DZIP3: variants seen among roughly 807,000 people sequenced by gnomAD.
The protein encoded by DZIP3 is E3 ubiquitin-protein ligase DZIP3.
DZIP3 carries 118 observed loss-of-function variants against 162.0 expected under a neutral mutation model. The ratio of observed to expected loss-of-function variants is 0.73; its 90% CI spans 0.63 to 0.85. The LOEUF is 0.85. Ranked by LOEUF, DZIP3 falls within the 40% of genes least tolerant of loss-of-function variation. The probability of loss-of-function intolerance (pLI) is 0.00; values close to 1 mark genes in which losing one functional copy is unlikely to be tolerated. For missense variants in DZIP3, 1,331 were observed against 1,407.0 expected, an observed-to-expected ratio of 0.95 and a Z score of 0.86; for synonymous variants, 438 against 458.6, an observed-to-expected ratio of 0.96 and a Z score of 0.57.
intron 28 of DZIP3, among the ~76,000 whole-genome samples, chr3:108,686,959 G>A (rs1419679670): frequency 6.6e-6 from 1 of 151,988 alleles, no homozygotes; most frequent in East Asian, 1.9e-4. Flanking sequence ...AACATCTTTA[G>A]GATTTAATTT....
At chr3:108,672,057 G>A (rs1328869942) in intron 22 of DZIP3, among the ~76,000 whole-genome samples, 1 of 151,894 alleles carries the variant, frequency 6.6e-6, no homozygotes, top group South Asian at 2.1e-4. Flanking sequence ...ATAGACAGCC[G>A]TCTTCCCACT....
chr3:108,661,379 G>T (rs1037543322), intron 19 of DZIP3, among the ~76,000 whole-genome samples: 1 of 152,010 alleles, frequency 6.6e-6, no homozygotes, highest in African/African-American at 2.4e-5. Context: ...GCAAACTATC[G>T]CAAGGACAAA....
At chr3:108,670,235 C>T (rs1359777969) in intron 22 of DZIP3, among the ~76,000 whole-genome samples, 1 of 151,910 alleles carries the variant, frequency 6.6e-6, no homozygotes, top group Non-Finnish European at 1.5e-5. Flanking sequence ...GTCATCACCA[C>T]TATCTATTTC....
chr3:108,686,525 C>T lies in DZIP3; in HGVS notation c.3090C>T (p.Ser1030=), dbSNP rs765089465. 1 of 1,612,138 alleles carries T rather than the reference C, an allele frequency of 6.2e-7. No individual in the cohort carries two copies. The highest frequency in any genetic ancestry group is 1.3e-5 in the African/African-American group (1 of 74,914). Reference sequence around the variant, plus strand: ...GTGCAGGTCTGCGGAGTGATCCCTCCATCATGAATTGGGAGAGAATTACAG... The same window carrying T: ...GTGCAGGTCTGCGGAGTGATCCCTCTATCATGAATTGGGAGAGAATTACAG... The part of the protein sequence containing the change: ...PPSAGLRSDP[S]IMNWERITDR... Residue 1030 remains serine, a synonymous_variant, in exon 28 of 33, where the codon TCC becomes TCT. Coordinates refer to ENST00000361582, the MANE Select transcript of DZIP3 (RefSeq NM_014648.4).
intron 28 of DZIP3, among the ~76,000 whole-genome samples, chr3:108,687,331 T>C (rs903352062): frequency 6.6e-6 from 1 of 152,128 alleles, no homozygotes; most frequent in African/African-American, 2.4e-5. Flanking sequence ...ATAAGGCTGA[T>C]GACATGACAC....
chr3:108,634,654 A>G lies in DZIP3; in HGVS notation c.817-217A>G, dbSNP rs1942055365. On this transcript the variant is annotated intron_variant, in intron 9 of 32. Transcript: ENST00000361582. ...GAAAATATATTAATTTTTTCAAATT[A>G]TTGACCTTTTTTTTACTGTCCTAAT... 4.6e-5 allele frequency among the ~76,000 whole-genome samples: 7 copies of G among 152,284 alleles called. No homozygotes were observed. The South Asian group carries it at 1.2e-3, about 27-fold the overall frequency.
chr3:108,664,603 C>G (rs1243933110), intron 21 of DZIP3, among the ~76,000 whole-genome samples: 1 of 152,254 alleles, frequency 6.6e-6, no homozygotes, highest in Admixed American at 6.5e-5. Flanking sequence ...TACTCCCTCT[C>G]ACTAGGAATT....
chr3:108,679,055 A>ACT (rs1331571429), intron 26 of DZIP3, among the ~76,000 whole-genome samples: 1 of 152,046 alleles, frequency 6.6e-6, no homozygotes, highest in Admixed American at 6.6e-5. Flanking sequence ...ATACCCAACT[A>ACT]CTCTGATAAG....
At chr3:108,593,025 C>T (rs1024183990) in intron 1 of DZIP3, among the ~76,000 whole-genome samples, 3 of 148,128 alleles carry the variant, frequency 2.0e-5, no homozygotes, top group Non-Finnish European at 4.5e-5. Flanking sequence ...GTGCTATTGG[C>T]TTTTGATATT....
intron 28 of DZIP3, among the ~76,000 whole-genome samples, chr3:108,687,335 A>ATGAC (rs1318297935): frequency 6.6e-6 from 1 of 152,150 alleles, no homozygotes; most frequent in African/African-American, 2.4e-5. Flanking sequence ...GGCTGATGAC[A>ATGAC]TGACACTTCA....
At chr3:108,622,881 T>TCTCTCTCTCTGC (rs1941428814) in intron 5 of DZIP3, among the ~76,000 whole-genome samples, 1 of 39,262 alleles carries the variant, frequency 2.5e-5, no homozygotes, top group Non-Finnish European at 5.8e-5. Context: ...TCTCTCTCTC[T>TCTCTCTCTCTGC]GTGTGTGTGT....
intron 13 of DZIP3, among the ~76,000 whole-genome samples, chr3:108,643,570 A>G (rs929608177): frequency 4.0e-5 from 6 of 149,268 alleles, no homozygotes; most frequent in East Asian, 1.9e-4. Context: ...AAGGAGCTAG[A>G]TCTTTTGGCA....
intron 26 of DZIP3, among the ~76,000 whole-genome samples, chr3:108,682,083 G>C (rs1415361069): frequency 6.8e-6 from 1 of 147,994 alleles, no homozygotes; most frequent in Non-Finnish European, 1.5e-5. Context: ...ATAATAATTA[G>C]AAAAAAAAAG....
chr3:108,617,298 A>G (rs1342802214), intron 5 of DZIP3, among the ~76,000 whole-genome samples: 1 of 152,218 alleles, frequency 6.6e-6, no homozygotes, highest in African/African-American at 2.4e-5. Flanking sequence ...GTGAGGTTAT[A>G]CATATGTTAA....
chr3:108,616,502 C>A (rs764990000), intron 4 of DZIP3, 39 bp from the exon 5 acceptor site: 10 of 1,359,818 alleles, frequency 7.4e-6, no homozygotes, highest in Non-Finnish European at 1.0e-5. Context: ...GATGTTTGTT[C>A]AGACTTATAG....
chr3:108,618,835 G>A, intron 5 of DZIP3, among the ~76,000 whole-genome samples: 1 of 152,006 alleles, frequency 6.6e-6, no homozygotes, highest in Admixed American at 6.5e-5. Context: ...GGCCGAGGCG[G>A]GCAGATCACG....
intron 12 of DZIP3, 85 bp from the exon 13 acceptor site, chr3:108,642,353 C>T (rs905724802): frequency 2.9e-5 from 39 of 1,326,428 alleles, no homozygotes; most frequent in Non-Finnish European, 3.6e-5. Context: ...TGAAAATACT[C>T]ACTTAGCCAT....
intron 26 of DZIP3, 92 bp downstream of exon 26, chr3:108,677,690 G>A: frequency 8.6e-7 from 1 of 1,161,076 alleles, no homozygotes; most frequent in Non-Finnish European, 1.3e-6. Flanking sequence ...TGTTTAACGT[G>A]TGTTCAAAAT....
At position 108,616,668 on chromosome 3, in the gene DZIP3, T is replaced by C. The variant is rs1415466165; in HGVS notation, c.375+11T>C. 6.5e-7 allele frequency: 1 copy of C among 1,543,038 alleles called. No homozygotes were observed. Among genetic ancestry groups the C allele is most frequent in the Admixed American group, 1.9e-5 (1 of 51,396 alleles). On this transcript the variant is annotated intron_variant, in intron 5 of 32. Coordinates refer to ENST00000361582, the MANE Select transcript of DZIP3 (RefSeq NM_014648.4). ...GCTGGCAATTATACCGTAAGTGTTT[T>C]CTTTTTGGAAATTTGATATAATGGA...
Sources: gnomAD v4.1 joint callset for allele counts (sites outside exome capture counted in the v4.1 genomes callset) on GRCh38, gnomAD v4.1.1 for gene constraint, MANE v1.5 for transcripts, NCBI Gene and HGNC (gene_info 2026-07-23, HGNC 2026-07-21) for gene names.